The following NRG3 variants were observed in gnomAD, a reference collection of about 807,000 sequenced individuals.
NRG3 encodes the protein neuregulin 3, also known as pro-neuregulin-3, membrane-bound isoform.
Under a neutral mutation model 66.9 loss-of-function variants are expected in NRG3, and 31 were observed. The ratio of observed to expected loss-of-function variants is 0.46; its 90% confidence interval spans 0.35 to 0.63. NRG3 has a LOEUF of 0.63. NRG3 is among the 20% of genes least tolerant of loss of function. NRG3 has a pLI of 0.00. For missense variants in NRG3, 910 were observed against 878.9 expected (o/e 1.04, Z -0.45); for synonymous variants, 393 against 359.4 (o/e 1.09, Z -1.06).
intron 1 of NRG3, among the ~76,000 whole-genome samples, chr10:82,026,227 C>T (rs902023203): frequency 2.6e-5 from 4 of 152,026 alleles, no homozygotes; most frequent in Admixed American, 6.6e-5. Context: ...AGGTTAGTTA[C>T]GTGTACACTG....
At chr10:81,955,627 A>C (rs925495501) in intron 1 of NRG3, among the ~76,000 whole-genome samples, 1 of 152,206 alleles carries the variant, frequency 6.6e-6, no homozygotes, top group Non-Finnish European at 1.5e-5. Flanking sequence ...GTACCTACTT[A>C]GTAGCTGAAG....
At chr10:82,667,900 T>C (rs2052929966) in intron 2 of NRG3, among the ~76,000 whole-genome samples, 1 of 152,224 alleles carries the variant, frequency 6.6e-6, no homozygotes, top group African/African-American at 2.4e-5. Flanking sequence ...AGGAAAATTT[T>C]AGATGCAAAG....
chr10:82,405,248 A>C (rs2086951553), intron 2 of NRG3, among the ~76,000 whole-genome samples: 1 of 152,118 alleles, frequency 6.6e-6, no homozygotes, highest in African/African-American at 2.4e-5. Context: ...GGATGTGTGC[A>C]TACCAGGGGC....
chr10:82,026,402 A>G (rs2062308321), intron 1 of NRG3, among the ~76,000 whole-genome samples: 1 of 152,076 alleles, frequency 6.6e-6, no homozygotes, highest in Non-Finnish European at 1.5e-5. Flanking sequence ...GATGCATTAT[A>G]AAAGATGGAG....
At chr10:82,914,455 GCAGT>G (rs1304654325) in intron 4 of NRG3, among the ~76,000 whole-genome samples, 3 of 152,068 alleles carry the variant, frequency 2.0e-5, no homozygotes, top group Admixed American at 6.6e-5. Flanking sequence ...CCTGTAGCTA[GCAGT>G]CAGTTTTTGT....
At chr10:82,950,709 A>G (rs1330486831) in intron 4 of NRG3, among the ~76,000 whole-genome samples, 1 of 152,244 alleles carries the variant, frequency 6.6e-6, no homozygotes, top group Non-Finnish European at 1.5e-5. Context: ...GATAATTAAC[A>G]GAGAAACTGC....
intron 2 of NRG3, among the ~76,000 whole-genome samples, chr10:82,582,402 A>G (rs895934310): frequency 6.6e-6 from 1 of 152,122 alleles, no homozygotes; most frequent in Non-Finnish European, 1.5e-5. Flanking sequence ...GGGACCTGCC[A>G]CAGTTTCTCC....
At chr10:82,201,196 CAAAAAA>C (rs35232518) in intron 1 of NRG3, among the ~76,000 whole-genome samples, 1 of 78,050 alleles carries the variant, frequency 1.3e-5, no homozygotes, top group Admixed American at 1.4e-4. Flanking sequence ...GACTCTGTCT[CAAAAAA>C]AAAAAAAAAA....
chr10:82,140,560 A>T (rs2069692691), intron 1 of NRG3, among the ~76,000 whole-genome samples: 1 of 152,080 alleles, frequency 6.6e-6, no homozygotes, highest in South Asian at 2.1e-4. Flanking sequence ...ACTTCTTCTA[A>T]TCTCAACAGA....
intron 2 of NRG3, among the ~76,000 whole-genome samples, chr10:82,488,698 A>G (rs1715587564): frequency 6.6e-6 from 1 of 151,848 alleles, no homozygotes; most frequent in African/African-American, 2.4e-5. Flanking sequence ...ATTCACTCCA[A>G]CTCTGGGGGC....
chr10:82,308,182 T>C (rs2080845089), intron 1 of NRG3, among the ~76,000 whole-genome samples: 1 of 152,182 alleles, frequency 6.6e-6, no homozygotes, highest in East Asian at 1.9e-4. Context: ...GATTGACTGA[T>C]TGAGACAGAG....
chr10:82,177,479 A>G (rs2073117870), intron 1 of NRG3, among the ~76,000 whole-genome samples: 1 of 152,216 alleles, frequency 6.6e-6, no homozygotes, highest in African/African-American at 2.4e-5. Context: ...TACAAAGACC[A>G]AGATTTGAAA....
intron 1 of NRG3, among the ~76,000 whole-genome samples, chr10:82,084,098 T>C (rs534842608): frequency 6.6e-6 from 1 of 151,828 alleles, no homozygotes; most frequent in South Asian, 2.1e-4. Flanking sequence ...TGTGGTGGCG[T>C]GTGCCTGTAG....
chr10:82,949,106 T>G (rs1849288055), intron 4 of NRG3, among the ~76,000 whole-genome samples: 1 of 152,148 alleles, frequency 6.6e-6, no homozygotes, highest in Non-Finnish European at 1.5e-5. Flanking sequence ...AGAATGAATA[T>G]TAAGTTTGGC....
intron 2 of NRG3, among the ~76,000 whole-genome samples, chr10:82,425,097 T>G (rs2089335698): frequency 6.6e-6 from 1 of 152,130 alleles, no homozygotes; most frequent in Admixed American, 6.6e-5. Flanking sequence ...CTCTGCTTTG[T>G]TCTTTCTCAA....
chr10:82,329,615 A>C (rs1339157519), intron 1 of NRG3, among the ~76,000 whole-genome samples: 2 of 152,186 alleles, frequency 1.3e-5, no homozygotes, highest in East Asian at 3.9e-4. Flanking sequence ...TGTCATATTG[A>C]GTCATTGTAA....
chr10:82,788,578 T>G (rs2060463436), intron 3 of NRG3, among the ~76,000 whole-genome samples: 1 of 151,564 alleles, frequency 6.6e-6, no homozygotes, highest in Non-Finnish European at 1.5e-5. Flanking sequence ...TCAAAAAAAT[T>G]AAAAAATGAA....
At chr10:82,257,461 C>CAA (rs757748759) in intron 1 of NRG3, among the ~76,000 whole-genome samples, 10 of 147,848 alleles carry the variant, frequency 6.8e-5, no homozygotes, top group East Asian at 3.9e-4. Flanking sequence ...TTTATAAATA[C>CAA]AAAAAAAAAA....
At chr10:82,293,045 C>G (rs1564758052) in intron 1 of NRG3, among the ~76,000 whole-genome samples, 1 of 152,178 alleles carries the variant, frequency 6.6e-6, no homozygotes, top group Non-Finnish European at 1.5e-5. Flanking sequence ...CTGCAATTAT[C>G]TCAAAATAAA....
Sources: gnomAD v4.1 joint callset for allele counts (sites outside exome capture counted in the v4.1 genomes callset) on GRCh38, gnomAD v4.1.1 for gene constraint, MANE v1.5 for transcripts, NCBI Gene and HGNC (gene_info 2026-07-23, HGNC 2026-07-21) for gene names.